Variants in FER1L6 observed in about 807,000 individuals in gnomAD.
FER1L6 encodes fer-1 like family member 6, also known as fer-1-like protein 6.
A neutral mutation model predicts 219.2 loss-of-function variants in FER1L6; 177 were observed. That is an observed-to-expected ratio of 0.81 (90% CI 0.71 to 0.91). FER1L6 has a LOEUF of 0.91. FER1L6 is among the 40% of genes least tolerant of loss of function. FER1L6 has a pLI of 0.00. For synonymous variants in FER1L6, 768 were observed against 824.3 expected (o/e 0.93, Z 1.17); for missense variants, 2,153 against 2,259.9 (o/e 0.95, Z 0.96).
rs757256021 is a variant in FER1L6, at chr8:124,067,803, A to G, written c.3715A>G (p.Thr1239Ala). 41 of 1,612,440 alleles carry G rather than the reference A, an allele frequency of 2.5e-5. No individual in the cohort carries two copies. The East Asian group carries it at 8.7e-4, about 34-fold the overall frequency. ...AAATCCCAAGGGAAAAAAAGGCAAT[A>G]CAGGTAAGCAGTTATTCTGGGGACA... ...ERNPKGKKGN[T>A]EAKPDEVVVD... is the part of the protein sequence containing the mutation. The change falls in exon 28 of 41, where the codon ACA (threonine) becomes GCA (alanine). Residue 1239 changes from threonine (T) to alanine (A), a missense_variant. Physicochemically the swap from Thr to Ala is moderately conservative, Grantham distance 58. Coordinates refer to ENST00000522917, the MANE Select transcript of FER1L6 (RefSeq NM_001039112.2).
intron 1 of FER1L6, among the ~76,000 whole-genome samples, chr8:123,932,018 C>T (rs1813787695): frequency 6.6e-6 from 1 of 152,158 alleles, no homozygotes. Flanking sequence ...AGAGAATAGG[C>T]CTTTTACTCA....
intron 39 of FER1L6, among the ~76,000 whole-genome samples, chr8:124,103,663 T>A (rs1822639973): frequency 6.6e-6 from 1 of 152,242 alleles, no homozygotes; most frequent in African/African-American, 2.4e-5. Context: ...TGATCCATCC[T>A]TTTAAAAGAA....
intron 1 of FER1L6, among the ~76,000 whole-genome samples, chr8:123,952,986 T>C (rs1814838780): frequency 1.3e-5 from 2 of 152,172 alleles, no homozygotes; most frequent in South Asian, 4.2e-4. Context: ...GAGTTAAGTA[T>C]CCAACCCCAA....
chr8:124,078,822 A>G (rs1421696654), intron 32 of FER1L6, among the ~76,000 whole-genome samples: 1 of 152,186 alleles, frequency 6.6e-6, no homozygotes, highest in East Asian at 1.9e-4. Context: ...CACCACAGGA[A>G]GGGACCTAGC....
intron 32 of FER1L6, among the ~76,000 whole-genome samples, chr8:124,080,324 C>CT (rs930323318): frequency 3.3e-5 from 5 of 151,208 alleles, no homozygotes; most frequent in South Asian, 2.1e-4. Flanking sequence ...TTTTTGGTAA[C>CT]TTTTTTTTTC....
chr8:123,934,812 C>T (rs1270684976), intron 1 of FER1L6, among the ~76,000 whole-genome samples: 1 of 151,910 alleles, frequency 6.6e-6, no homozygotes, highest in Non-Finnish European at 1.5e-5. Context: ...GGTGGATTTC[C>T]CCTTGATGTT....
chr8:124,004,779 G>A (rs1817584695), intron 13 of FER1L6, among the ~76,000 whole-genome samples: 1 of 151,882 alleles, frequency 6.6e-6, no homozygotes, highest in Non-Finnish European at 1.5e-5. Context: ...CGGGTGGATC[G>A]CGAGGTCAGG....
intron 29 of FER1L6, 26 bp from the exon 30 acceptor site, chr8:124,070,441 C>T: frequency 1.3e-5 from 21 of 1,610,924 alleles, no homozygotes; most frequent in Non-Finnish European, 1.7e-5. Flanking sequence ...TTCCTCTTAG[C>T]ACAATCTTCT....
At position 123,944,398 on chromosome 8, in the gene FER1L6, G is replaced by T. The variant is rs77924471; in HGVS notation, c.-7-11594G>T. Among the ~76,000 whole-genome samples, 23 of 151,504 alleles carry T rather than the reference G, an allele frequency of 1.5e-4. No individual in the cohort carries two copies. The East Asian group carries it at 4.5e-3, about 29-fold the overall frequency. ...ATCCCAGTGTGGTGTAGAAGGAGAA[G>T]CATTCAGTCAATAACAAGAAGACCC... On this transcript the variant is annotated intron_variant, in intron 1 of 40. Transcript: ENST00000522917.
intron 12 of FER1L6, among the ~76,000 whole-genome samples, chr8:123,998,562 C>T (rs1438483171): frequency 6.6e-6 from 1 of 152,040 alleles, no homozygotes; most frequent in Non-Finnish European, 1.5e-5. Context: ...CACTGTCTGG[C>T]TACTGCCTGT....
intron 27 of FER1L6, among the ~76,000 whole-genome samples, 191 bp downstream of exon 27, chr8:124,066,741 T>A (rs1022219561): frequency 2.6e-5 from 4 of 152,186 alleles, no homozygotes; most frequent in Non-Finnish European, 5.9e-5. Context: ...AAATTCCTAC[T>A]TTTTGGCTGG....
At chr8:124,114,786 AT>A (rs1011194812) in intron 39 of FER1L6, among the ~76,000 whole-genome samples, 1 of 151,052 alleles carries the variant, frequency 6.6e-6, no homozygotes, top group Non-Finnish European at 1.5e-5. Context: ...CTACATGTGT[AT>A]TTTTGTGGTC....
At chr8:123,930,866 G>A (rs1362023528) in intron 1 of FER1L6, among the ~76,000 whole-genome samples, 1 of 152,122 alleles carries the variant, frequency 6.6e-6, no homozygotes. Context: ...TTGGGATGGA[G>A]ATCACGTCTA....
At chr8:123,994,286 G>T (rs992988208) in intron 12 of FER1L6, among the ~76,000 whole-genome samples, 1 of 152,152 alleles carries the variant, frequency 6.6e-6, no homozygotes, top group Admixed American at 6.5e-5. Flanking sequence ...GACAGGTGGG[G>T]TCTGGGTCTG....
chr8:124,091,533 T>C lies in FER1L6; in HGVS notation c.4502T>C (p.Ile1501Thr). 1.9e-6 allele frequency: 3 copies of C among 1,614,034 alleles called. No homozygotes were observed. Among genetic ancestry groups the C allele is most frequent in the South Asian group, 1.1e-5 (1 of 91,076 alleles). ...TACTTTCACCCTGGGAAAATACAGATAGGAAACCAAGTCTTTTCTGGAAAA... is the reference window on the plus strand; with the variant it reads ...TACTTTCACCCTGGGAAAATACAGACAGGAAACCAAGTCTTTTCTGGAAAA... ...GPYFHPGKIQ[I>T]GNQVFSGKTI... Residue 1501 changes from isoleucine to threonine, a missense_variant, in exon 34 of 41, where the codon ATA becomes ACA. Ile to Thr is a moderately conservative substitution (Grantham distance 89). Coordinates refer to ENST00000522917, the MANE Select transcript of FER1L6 (RefSeq NM_001039112.2).
chr8:123,929,830 G>T (rs1019934238), intron 1 of FER1L6, among the ~76,000 whole-genome samples: 2 of 152,094 alleles, frequency 1.3e-5, no homozygotes, highest in Non-Finnish European at 2.9e-5. Flanking sequence ...TTCCCCTAGG[G>T]CTGTAGCATT....
At chr8:124,019,246 CT>C (rs1818344862) in intron 16 of FER1L6, among the ~76,000 whole-genome samples, 1 of 152,100 alleles carries the variant, frequency 6.6e-6, no homozygotes, top group Non-Finnish European at 1.5e-5. Flanking sequence ...ATTTTGAATC[CT>C]TGATGATTAT....
At chr8:123,898,683 A>G (rs1053678719) in intron 1 of FER1L6, among the ~76,000 whole-genome samples, 3 of 145,858 alleles carry the variant, frequency 2.1e-5, no homozygotes, top group Non-Finnish European at 4.5e-5. Context: ...ATATATATAC[A>G]TATATGTACA....
At chr8:124,034,292 G>T (rs1175534412) in intron 18 of FER1L6, among the ~76,000 whole-genome samples, 1 of 152,216 alleles carries the variant, frequency 6.6e-6, no homozygotes, top group Non-Finnish European at 1.5e-5. Context: ...TGATGGCCTT[G>T]CTGGCAACAG....
Sources: gnomAD v4.1 joint callset for allele counts (sites outside exome capture counted in the v4.1 genomes callset) on GRCh38, gnomAD v4.1.1 for gene constraint, MANE v1.5 for transcripts, NCBI Gene and HGNC (gene_info 2026-07-23, HGNC 2026-07-21) for gene names.